CDH13: variants seen among roughly 807,000 people sequenced by gnomAD.
The protein encoded by CDH13 is cadherin-13.
A neutral mutation model predicts 63.8 loss-of-function variants in CDH13; 24 were observed. That is an observed-to-expected ratio of 0.38 (90% CI 0.27 to 0.53). CDH13 has a LOEUF of 0.53. Among genes scored for constraint, CDH13 ranks in the 20% least tolerant of loss-of-function variants. The pLI is 0.85. For missense variants in CDH13, 1,049 were observed against 903.1 expected (o/e 1.16, Z -2.07); for synonymous variants, 503 against 355.3 (o/e 1.42, Z -4.67).
At chr16:83,720,420 T>A (rs973431808) in intron 10 of CDH13, among the ~76,000 whole-genome samples, 4 of 152,164 alleles carry the variant, frequency 2.6e-5, no homozygotes, top group Non-Finnish European at 5.9e-5. Flanking sequence ...ATTGAGCACC[T>A]ACTGCATACC....
intron 1 of CDH13, among the ~76,000 whole-genome samples, chr16:82,667,991 A>G (rs537018361): frequency 6.6e-6 from 1 of 152,244 alleles, no homozygotes; most frequent in East Asian, 1.9e-4. Context: ...CTTGAATGTT[A>G]CGCATCTATC....
chr16:83,159,778 A>C (rs1047489283), intron 4 of CDH13, among the ~76,000 whole-genome samples: 2 of 152,176 alleles, frequency 1.3e-5, no homozygotes, highest in Admixed American at 1.3e-4. Flanking sequence ...CGGTTTTTAA[A>C]TTCTAATATA....
At chr16:83,003,477 A>G (rs1192368870) in intron 2 of CDH13, among the ~76,000 whole-genome samples, 1 of 152,172 alleles carries the variant, frequency 6.6e-6, no homozygotes, top group East Asian at 1.9e-4. Flanking sequence ...AAATAAATGT[A>G]TAATCAGGTT....
At chr16:83,483,561 A>T (rs1255961233) in intron 6 of CDH13, among the ~76,000 whole-genome samples, 1 of 151,954 alleles carries the variant, frequency 6.6e-6, no homozygotes, top group Non-Finnish European at 1.5e-5. Flanking sequence ...CTTCAATTAA[A>T]GGCAGATTAA....
intron 1 of CDH13, among the ~76,000 whole-genome samples, chr16:82,642,091 CAAAAA>C (rs373359175): frequency 5.4e-5 from 6 of 110,444 alleles, no homozygotes; most frequent in Non-Finnish European, 5.3e-5. Context: ...TCATGGAGGG[CAAAAA>C]AAAAAAAAAA....
chr16:82,974,909 T>G (rs986859038), intron 2 of CDH13, among the ~76,000 whole-genome samples: 2 of 152,202 alleles, frequency 1.3e-5, no homozygotes, highest in Admixed American at 1.3e-4. Flanking sequence ...TGGGGATTTG[T>G]TACAGCGGCC....
intron 2 of CDH13, among the ~76,000 whole-genome samples, chr16:82,939,447 AAGGGAGAGGG>A (rs1198239369): frequency 2.9e-5 from 4 of 139,824 alleles, no homozygotes; most frequent in Non-Finnish European, 4.7e-5. Context: ...AAAAGGGAGC[AAGGGAGAGGG>A]AGGGAGAGGG....
intron 4 of CDH13, among the ~76,000 whole-genome samples, chr16:83,146,757 C>T (rs1331302016): frequency 6.6e-6 from 1 of 151,656 alleles, no homozygotes; most frequent in Non-Finnish European, 1.5e-5. Flanking sequence ...ATAGATATTT[C>T]AAAAAAAATG....
intron 2 of CDH13, among the ~76,000 whole-genome samples, chr16:82,948,007 C>T (rs1209841350): frequency 6.6e-6 from 1 of 152,120 alleles, no homozygotes; most frequent in Non-Finnish European, 1.5e-5. Context: ...GTGGACTTCA[C>T]ATGTATTTAT....
intron 2 of CDH13, among the ~76,000 whole-genome samples, chr16:82,920,589 G>C (rs1399079129): frequency 6.6e-6 from 1 of 152,214 alleles, no homozygotes; most frequent in Non-Finnish European, 1.5e-5. Context: ...GAAAAGAAAA[G>C]AATGCTGTCT....
At chr16:82,833,114 T>C (rs1313788582) in intron 1 of CDH13, among the ~76,000 whole-genome samples, 1 of 152,190 alleles carries the variant, frequency 6.6e-6, no homozygotes, top group African/African-American at 2.4e-5. Context: ...GGAGAGCCAA[T>C]GTGAGAGACC....
At chr16:83,705,523 G>A (rs188973954) in intron 10 of CDH13, among the ~76,000 whole-genome samples, 2,179 of 152,250 alleles carry the variant, frequency 0.014, 51 homozygotes, top group African/African-American at 0.047. Flanking sequence ...TCGGGAGGCT[G>A]AGGCAGGAGA....
intron 6 of CDH13, among the ~76,000 whole-genome samples, chr16:83,369,866 T>C (rs189947635): frequency 1.3e-5 from 2 of 152,290 alleles, no homozygotes; most frequent in African/African-American, 2.4e-5. Flanking sequence ...ATGACACATA[T>C]GTAGCATCCA....
chr16:83,369,091 T>C (rs552234193), intron 6 of CDH13, among the ~76,000 whole-genome samples: 16 of 151,394 alleles, frequency 1.1e-4, no homozygotes, highest in Non-Finnish European at 2.4e-4. Context: ...AGTAGCAGGA[T>C]TGCTGGATCA....
At chr16:83,591,731 A>G (rs1260167477) in intron 7 of CDH13, among the ~76,000 whole-genome samples, 1 of 152,212 alleles carries the variant, frequency 6.6e-6, no homozygotes, top group Admixed American at 6.5e-5. Flanking sequence ...TAGACAGCTA[A>G]CTTAGCACAG....
chr16:83,352,784 A>G (rs2090981219), intron 6 of CDH13, among the ~76,000 whole-genome samples: 1 of 152,152 alleles, frequency 6.6e-6, no homozygotes, highest in African/African-American at 2.4e-5. Flanking sequence ...CAGCTACTCA[A>G]GATGCTGAGG....
chr16:83,759,627 T>G (rs1913795009), intron 11 of CDH13, among the ~76,000 whole-genome samples: 1 of 152,030 alleles, frequency 6.6e-6, no homozygotes, highest in South Asian at 2.1e-4. Flanking sequence ...ATATTTATAA[T>G]ACAAAGAAAT....
intron 8 of CDH13, among the ~76,000 whole-genome samples, chr16:83,666,290 G>T (rs1446253189): frequency 2.0e-5 from 3 of 152,060 alleles, no homozygotes; most frequent in African/African-American, 4.8e-5. Flanking sequence ...TTAAAACATT[G>T]AATAGAATTA....
chr16:82,962,317 A>G (rs776626802), intron 2 of CDH13, among the ~76,000 whole-genome samples: 2 of 152,228 alleles, frequency 1.3e-5, no homozygotes, highest in Non-Finnish European at 2.9e-5. Flanking sequence ...AGGTGGATGA[A>G]GCAAGGAAGG....
Sources: allele counts gnomAD v4.1 joint callset (sites outside exome capture counted in the v4.1 genomes callset), GRCh38; gene constraint gnomAD v4.1.1; transcripts MANE v1.5; gene names NCBI Gene and HGNC (gene_info 2026-07-23, HGNC 2026-07-21).